The following UFL1 variants were observed in gnomAD, a reference collection of about 807,000 sequenced individuals.
UFL1 encodes E3 UFM1-protein ligase 1.
A neutral mutation model predicts 99.3 loss-of-function variants in UFL1; 78 were observed. The observed-to-expected ratio is 0.79, with a 90% CI of 0.65 to 0.95. UFL1 has a LOEUF of 0.95. UFL1 is among the 40% of genes least tolerant of loss of function. The pLI, the probability that UFL1 is intolerant of heterozygous loss-of-function variation, is 0.00. For missense variants in UFL1, 936 were observed against 937.0 expected, an observed-to-expected ratio of 1.00 and a Z score of 0.01; for synonymous variants, 335 against 322.2, an observed-to-expected ratio of 1.04 and a Z score of -0.42.
intron 18 of UFL1, 42 bp downstream of exon 18, chr6:96,552,704 A>G (rs1770100579): frequency 1.3e-6 from 2 of 1,521,720 alleles, no homozygotes; most frequent in African/African-American, 1.4e-5. Context: ...AAAGATTTAC[A>G]TTCTGAATAT....
intron 16 of UFL1, 42 bp from the exon 17 acceptor site, chr6:96,551,796 G>GTT: frequency 7.6e-7 from 1 of 1,309,466 alleles, no homozygotes; most frequent in Non-Finnish European, 1.1e-6. Flanking sequence ...TCCTTATGCA[G>GTT]TTATATATAA....
At position 96,552,605 on chromosome 6, in the gene UFL1, T is replaced by C; in HGVS notation, c.2109T>C (p.His703=). The change falls in exon 18 of 19, where the codon CAT becomes CAC. Residue 703 remains histidine, a synonymous_variant. Transcript: ENST00000369278. ...AGTTTTCAACCCACAGCATGCTCCA[T>C]GCACCTGGAAGATGTGTCCCACAGA... ...LFQFSTHSML[H]APGRCVPQII... The C allele has an allele frequency of 6.2e-7, 1 of 1,612,884 alleles. No homozygotes were observed. The highest frequency in any genetic ancestry group is 8.5e-7 in the Non-Finnish European group (1 of 1,179,578).
chr6:96,528,579 T>C lies in UFL1; in HGVS notation c.543T>C (p.Ala181=). ...ATAGAGGAGTAATTTTTACGGAAGCTTTTGTAGCTCGACATAAAGCACGTA... is the reference window on the plus strand; with the variant it reads ...ATAGAGGAGTAATTTTTACGGAAGCCTTTGTAGCTCGACATAAAGCACGTA... The part of the protein sequence containing the change: ...LDNRGVIFTE[A]FVARHKARIR... The change falls in exon 6 of 19, where the codon GCT becomes GCC. Residue 181 remains alanine (A), a synonymous_variant. Transcript: ENST00000369278. The C allele has an allele frequency of 6.2e-7, 1 of 1,613,926 alleles. No individual in the cohort carries two copies. Among genetic ancestry groups the C allele is most frequent in the Non-Finnish European group, 8.5e-7 (1 of 1,179,874 alleles).
intron 7 of UFL1, 122 bp downstream of exon 7, chr6:96,534,443 T>A: frequency 1.3e-6 from 1 of 792,354 alleles, no homozygotes; most frequent in Non-Finnish European, 1.8e-6. Flanking sequence ...TTTCCTGGTT[T>A]AAAAAAGTTT....
At chr6:96,534,165 A>G (rs7769920) in intron 6 of UFL1, 98 bp from the exon 7 acceptor site, 2 of 755,656 alleles carry the variant, frequency 2.6e-6, no homozygotes, top group African/African-American at 3.7e-5. Context: ...TCTTTTAAAC[A>G]GTATTTTTCT....
intron 6 of UFL1, 25 bp from the exon 7 acceptor site, chr6:96,534,238 T>C (rs745864550): frequency 1.3e-6 from 2 of 1,492,362 alleles, no homozygotes; most frequent in Admixed American, 4.8e-5. Context: ...GTAAGAAGTT[T>C]TTTTTTTTTT....
chr6:96,528,884 T>C (rs4374826), intron 6 of UFL1, among the ~76,000 whole-genome samples: 143,756 of 152,276 alleles, frequency 0.94, 68,329 homozygotes, highest in Non-Finnish European at 1. Flanking sequence ...ATACACACTT[T>C]TGCAGAGTGC....
At chr6:96,536,682 A>AT (rs1461017819) in intron 8 of UFL1, among the ~76,000 whole-genome samples, 2 of 151,774 alleles carry the variant, frequency 1.3e-5, no homozygotes, top group African/African-American at 4.8e-5. Flanking sequence ...AAAAGACTAA[A>AT]AGCTGGTAGT....
chr6:96,522,635 A>C (rs1396767419), intron 1 of UFL1, among the ~76,000 whole-genome samples: 1 of 152,132 alleles, frequency 6.6e-6, no homozygotes, highest in Non-Finnish European at 1.5e-5. Context: ...ATTTTCTACC[A>C]CTGATAGCAA....
chr6:96,527,846 C>T (rs1293443824), intron 5 of UFL1, among the ~76,000 whole-genome samples: 3 of 152,068 alleles, frequency 2.0e-5, no homozygotes, highest in African/African-American at 7.2e-5. Context: ...ATGAGCTGAG[C>T]TGACTTGAGT....
rs967222007 is a variant in UFL1 at position 96,540,551 on chromosome 6, C to T, written c.1175C>T (p.Pro392Leu). The T allele has an allele frequency of 7.5e-6, 12 of 1,602,846 alleles. No individual in the cohort carries two copies. Among genetic ancestry groups the T allele is most frequent in the Non-Finnish European group, 8.5e-6 (10 of 1,175,056 alleles). ...TTATTTTAGGAAATGAAAAATAATC[C>T]TGTGCATTTAATCACTGAAGAAGAT... ...QKAEKEMKNN[P>L]VHLITEEDLK... Residue 392 changes from proline to leucine, a missense_variant, in exon 11 of 19, where the codon CCT (proline) becomes CTT (leucine). Physicochemically the swap from Pro to Leu is moderately conservative, Grantham distance 98. Transcript: ENST00000369278.
intron 13 of UFL1, among the ~76,000 whole-genome samples, chr6:96,548,641 T>C (rs1309823618): frequency 6.6e-6 from 1 of 151,728 alleles, no homozygotes; most frequent in African/African-American, 2.4e-5. Context: ...AAAGATAATT[T>C]TCTATTTTAA....
intron 12 of UFL1, among the ~76,000 whole-genome samples, chr6:96,544,701 C>G (rs1277719864): frequency 2.0e-5 from 3 of 151,046 alleles, no homozygotes; most frequent in Non-Finnish European, 3.0e-5. Flanking sequence ...TTAAGACTAT[C>G]CATTGTGAAT....
In UFL1 at chr6:96,525,221, T is replaced by C. The variant is rs1017377988; in HGVS notation, c.253-76T>C. 9 of 1,152,198 alleles carry C rather than the reference T, an allele frequency of 7.8e-6. No individual in the cohort carries two copies. In the Admixed American group the frequency reaches 2.0e-4, roughly 26 times the overall value. 71.4% of individuals were successfully genotyped at this position (1,152,198 alleles called of 1,614,324 possible). On this transcript the variant is annotated intron_variant, in intron 3 of 18. Transcript: ENST00000369278. ...CTGGCCGGCAATTTCTTTAAAAATATAGTTCTAAGTATATAATTTCAAGCT... is the reference window on the plus strand; with the variant it reads ...CTGGCCGGCAATTTCTTTAAAAATACAGTTCTAAGTATATAATTTCAAGCT...
At chr6:96,543,094 G>A in intron 12 of UFL1, 78 bp downstream of exon 12, 1 of 1,469,724 alleles carries the variant, frequency 6.8e-7, no homozygotes. Context: ...ATATAATTAG[G>A]TATATATGCT....
At chr6:96,552,017 G>A (rs1190394335) in intron 17 of UFL1, 94 bp downstream of exon 17, 4 of 821,638 alleles carry the variant, frequency 4.9e-6, no homozygotes, top group South Asian at 3.2e-5. Flanking sequence ...CTTACACAGA[G>A]AATATGTACC....
chr6:96,526,630 TA>T (rs1258536833), intron 5 of UFL1, among the ~76,000 whole-genome samples, 195 bp downstream of exon 5: 1 of 152,174 alleles, frequency 6.6e-6, no homozygotes, highest in Non-Finnish European at 1.5e-5. Context: ...GGAGGCAGTT[TA>T]AAAATGATTG....
intron 10 of UFL1, among the ~76,000 whole-genome samples, chr6:96,540,159 C>A (rs1769910865): frequency 6.6e-6 from 1 of 151,368 alleles, no homozygotes; most frequent in Non-Finnish European, 1.5e-5. Context: ...TTAATAATCT[C>A]AAATATCCAG....
intron 6 of UFL1, among the ~76,000 whole-genome samples, 200 bp downstream of exon 6, chr6:96,528,832 G>A (rs1562251407): frequency 1.3e-5 from 2 of 152,096 alleles, no homozygotes; most frequent in African/African-American, 4.8e-5. Context: ...TCTCCAGTCC[G>A]CATCTCCTTC....
Sources: allele counts gnomAD v4.1 joint callset (sites outside exome capture counted in the v4.1 genomes callset), GRCh38; gene constraint gnomAD v4.1.1; transcripts MANE v1.5; gene names NCBI Gene and HGNC (gene_info 2026-07-23, HGNC 2026-07-21).